PTPRK: variants seen among roughly 807,000 people sequenced by gnomAD.
PTPRK encodes protein tyrosine phosphatase receptor type K, also known as receptor-type tyrosine-protein phosphatase kappa.
PTPRK carries 75 observed loss-of-function variants against 178.0 expected under a neutral mutation model. That is an observed-to-expected ratio of 0.42 (90% CI 0.35 to 0.51). The LOEUF is 0.51. PTPRK is among the 20% of genes least tolerant of loss of function. The pLI is 0.02. For synonymous variants in PTPRK, 637 were observed against 620.6 expected (o/e 1.03, Z -0.39); for missense variants, 1,441 against 1,797.8 (o/e 0.80, Z 3.59).
At chr6:128,257,519 A>G (rs1228112323) in intron 3 of PTPRK, among the ~76,000 whole-genome samples, 1 of 152,180 alleles carries the variant, frequency 6.6e-6, no homozygotes, top group East Asian at 1.9e-4. Context: ...AGAAATATTT[A>G]TTGCATACCT....
chr6:128,153,798 T>C (rs938924817), intron 7 of PTPRK, among the ~76,000 whole-genome samples: 1 of 151,978 alleles, frequency 6.6e-6, no homozygotes, highest in African/African-American at 2.4e-5. Context: ...TTTCATTTTA[T>C]GGAAAATTCG....
chr6:128,489,678 CTTCA>C (rs2128428401), intron 1 of PTPRK, among the ~76,000 whole-genome samples: 1 of 152,248 alleles, frequency 6.6e-6, no homozygotes, highest in South Asian at 2.1e-4. Context: ...ATTGTCTGTT[CTTCA>C]TTTAATTACC....
intron 2 of PTPRK, among the ~76,000 whole-genome samples, chr6:128,353,784 G>C (rs1230596881): frequency 1.3e-5 from 2 of 152,150 alleles, no homozygotes; most frequent in Non-Finnish European, 2.9e-5. Flanking sequence ...AAAAAATTCT[G>C]TTATATATCT....
chr6:128,165,449 T>A (rs1799264487), intron 7 of PTPRK, among the ~76,000 whole-genome samples: 1 of 151,316 alleles, frequency 6.6e-6, no homozygotes, highest in Non-Finnish European at 1.5e-5. Context: ...TTTTCTTTAC[T>A]TTTTATATTG....
At chr6:128,336,440 T>C (rs550942030) in intron 2 of PTPRK, among the ~76,000 whole-genome samples, 34 of 152,242 alleles carry the variant, frequency 2.2e-4, no homozygotes, top group African/African-American at 7.7e-4. Flanking sequence ...CAAGCACAGA[T>C]GTCCTTCCCC....
chr6:128,091,974 T>C (rs1045329244), intron 7 of PTPRK, among the ~76,000 whole-genome samples: 2 of 152,232 alleles, frequency 1.3e-5, no homozygotes, highest in African/African-American at 4.8e-5. Flanking sequence ...ATTTATTATC[T>C]GTTATGCAGA....
intron 2 of PTPRK, among the ~76,000 whole-genome samples, chr6:128,391,253 G>C (rs1839516476): frequency 6.6e-6 from 1 of 151,984 alleles, no homozygotes; most frequent in African/African-American, 2.4e-5. Flanking sequence ...ACTTTTTGAG[G>C]TTTTCCCATC....
At chr6:127,990,183 T>C (rs1776444280) in intron 21 of PTPRK, among the ~76,000 whole-genome samples, 1 of 152,116 alleles carries the variant, frequency 6.6e-6, no homozygotes, top group Admixed American at 6.6e-5. Context: ...TCCAATTTTG[T>C]GATTTCTCTG....
chr6:128,096,025 A>G (rs1298202399), intron 7 of PTPRK, among the ~76,000 whole-genome samples: 3 of 152,176 alleles, frequency 2.0e-5, no homozygotes, highest in Non-Finnish European at 2.9e-5. Flanking sequence ...TTGTGCACCT[A>G]ATTCTTAATT....
intron 3 of PTPRK, among the ~76,000 whole-genome samples, chr6:128,286,693 A>T (rs895788934): frequency 6.6e-6 from 1 of 152,070 alleles, no homozygotes; most frequent in Non-Finnish European, 1.5e-5. Flanking sequence ...CGCAGATTTT[A>T]TATTGTTTGA....
At position 128,238,006 on chromosome 6, in the gene PTPRK, T is replaced by C. The variant is rs139506296; in HGVS notation, c.693+2029A>G. 129 of 446,434 alleles carry C rather than the reference T, an allele frequency of 2.9e-4. 1 individual carries two copies. The highest frequency in any genetic ancestry group is 2.4e-3 in the African/African-American group (120 of 49,610). 27.7% of individuals were successfully genotyped at this position (446,434 alleles called of 1,614,324 possible). On this transcript the variant is annotated intron_variant, in intron 5 of 29. Coordinates refer to ENST00000368226, the MANE Select transcript of PTPRK (RefSeq NM_002844.4). ...AGTAATTAATAGATTTCAATATTTC[T>C]TGTAGATGGGGAAGACTGATGTAAG...
chr6:128,104,935 G>C (rs1344221296), intron 7 of PTPRK, among the ~76,000 whole-genome samples: 1 of 152,168 alleles, frequency 6.6e-6, no homozygotes, highest in Non-Finnish European at 1.5e-5. Context: ...GTCTTGGACA[G>C]AAGAAAGTGT....
intron 7 of PTPRK, among the ~76,000 whole-genome samples, chr6:128,154,313 G>A (rs1197035685): frequency 3.3e-5 from 5 of 151,652 alleles, no homozygotes; most frequent in East Asian, 3.9e-4. Flanking sequence ...GCATCAGAAT[G>A]GCAATAGCAA....
intron 7 of PTPRK, among the ~76,000 whole-genome samples, chr6:128,137,414 C>T (rs1035105644): frequency 2.6e-5 from 4 of 152,046 alleles, no homozygotes; most frequent in African/African-American, 4.8e-5. Flanking sequence ...GAGGTGGGTA[C>T]GCAAGTGTCC....
chr6:128,125,994 ATATT>A (rs1273083086), intron 7 of PTPRK, among the ~76,000 whole-genome samples: 1 of 151,866 alleles, frequency 6.6e-6, no homozygotes, highest in East Asian at 1.9e-4. Context: ...TGAGCAATAT[ATATT>A]TAAGACTCAA....
intron 1 of PTPRK, among the ~76,000 whole-genome samples, chr6:128,475,144 T>C (rs1213847133): frequency 6.6e-6 from 1 of 152,128 alleles, no homozygotes; most frequent in East Asian, 1.9e-4. Flanking sequence ...GGCCCTGTTA[T>C]TATCAGCTAT....
intron 3 of PTPRK, chr6:128,321,638 T>A (rs1353495354): frequency 3.4e-6 from 2 of 582,444 alleles, no homozygotes; most frequent in Middle Eastern, 4.5e-4. Flanking sequence ...AGTCAGTAAA[T>A]CAGTCCAGTC....
chr6:128,379,046 G>C (rs1295165319), intron 2 of PTPRK, among the ~76,000 whole-genome samples: 1 of 152,038 alleles, frequency 6.6e-6, no homozygotes, highest in Non-Finnish European at 1.5e-5. Flanking sequence ...ATATAATATA[G>C]TACCTGATTA....
At chr6:128,349,024 C>T (rs1832778974) in intron 2 of PTPRK, among the ~76,000 whole-genome samples, 1 of 151,928 alleles carries the variant, frequency 6.6e-6, no homozygotes, top group African/African-American at 2.4e-5. Context: ...TCCCTTATTC[C>T]ACATAAGAAG....
Sources: allele counts gnomAD v4.1 joint callset (sites outside exome capture counted in the v4.1 genomes callset), GRCh38; gene constraint gnomAD v4.1.1; transcripts MANE v1.5; gene names NCBI Gene and HGNC (gene_info 2026-07-23, HGNC 2026-07-21).